ADAMTS17: variants seen among roughly 807,000 people sequenced by gnomAD.
The protein encoded by ADAMTS17 is ADAM metallopeptidase with thrombospondin type 1 motif 17.
ADAMTS17 carries 113 observed loss-of-function variants against 141.5 expected under a neutral mutation model. The observed-to-expected ratio is 0.80, with a 90% CI of 0.69 to 0.93. The LOEUF (loss-of-function observed/expected upper bound fraction) is 0.93, where lower values mean the gene tolerates loss of function less well. ADAMTS17 is among the 40% of genes least tolerant of loss of function. The pLI is 0.00. For missense variants in ADAMTS17, 1,659 were observed against 1,517.9 expected, an observed-to-expected ratio of 1.09 and a Z score of -1.54; for synonymous variants, 768 against 630.6, an observed-to-expected ratio of 1.22 and a Z score of -3.27.
intron 8 of ADAMTS17, among the ~76,000 whole-genome samples, chr15:100,166,259 G>C (rs985709837): frequency 6.6e-6 from 1 of 152,168 alleles, no homozygotes; most frequent in African/African-American, 2.4e-5. Flanking sequence ...ACAGATTGCT[G>C]CATGTTGGTC....
At chr15:100,309,627 G>T (rs1043735713) in intron 3 of ADAMTS17, among the ~76,000 whole-genome samples, 1 of 152,196 alleles carries the variant, frequency 6.6e-6, no homozygotes, top group Non-Finnish European at 1.5e-5. Context: ...TGTGGACAAC[G>T]TACAAAGGCA....
chr15:100,095,061 T>C (rs1281683140), intron 15 of ADAMTS17, among the ~76,000 whole-genome samples: 2 of 152,214 alleles, frequency 1.3e-5, no homozygotes, highest in African/African-American at 4.8e-5. Context: ...TTCATTTTAA[T>C]GAATTACAGT....
intron 4 of ADAMTS17, among the ~76,000 whole-genome samples, chr15:100,270,106 T>G (rs1014729764): frequency 4.6e-5 from 7 of 152,108 alleles, no homozygotes; most frequent in Non-Finnish European, 7.4e-5. Context: ...CTGCTCTGAC[T>G]GCAGCCATTT....
chr15:100,295,694 T>C (rs934594917), intron 3 of ADAMTS17, among the ~76,000 whole-genome samples: 1 of 152,220 alleles, frequency 6.6e-6, no homozygotes, highest in East Asian at 1.9e-4. Context: ...GCTTCCCTCT[T>C]TGCTCGTGCA....
At chr15:100,231,653 G>T in intron 7 of ADAMTS17, among the ~76,000 whole-genome samples, 1 of 152,264 alleles carries the variant, frequency 6.6e-6, no homozygotes, top group Middle Eastern at 3.4e-3. Flanking sequence ...TAATTTCCTG[G>T]TGTGTCCAAG....
At chr15:100,196,978 G>A (rs771304160) in intron 8 of ADAMTS17, among the ~76,000 whole-genome samples, 2 of 152,158 alleles carry the variant, frequency 1.3e-5, no homozygotes, top group Non-Finnish European at 2.9e-5. Flanking sequence ...TGTTTTTGTC[G>A]GTAATTGGAG....
At chr15:100,277,222 G>T (rs1041856921) in intron 4 of ADAMTS17, among the ~76,000 whole-genome samples, 25 of 152,076 alleles carry the variant, frequency 1.6e-4, no homozygotes, top group Non-Finnish European at 3.4e-4. Context: ...CCCCGGGTCT[G>T]CCCTCAGCCC....
chr15:100,136,745 C>G (rs2038353602), intron 10 of ADAMTS17, among the ~76,000 whole-genome samples: 1 of 152,212 alleles, frequency 6.6e-6, no homozygotes, highest in Admixed American at 6.5e-5. Flanking sequence ...AAATTCAAGA[C>G]CCTCAACTGA....
At chr15:100,083,480 T>C (rs1567144000) in intron 15 of ADAMTS17, among the ~76,000 whole-genome samples, 2 of 152,218 alleles carry the variant, frequency 1.3e-5, no homozygotes, top group South Asian at 2.1e-4. Context: ...TTCCTTTTCA[T>C]TCATTTTCAG....
At chr15:100,231,070 C>A (rs34977812) in intron 7 of ADAMTS17, among the ~76,000 whole-genome samples, 17,022 of 152,178 alleles carry the variant, frequency 0.11, 1,099 homozygotes, top group African/African-American at 0.16. Context: ...AGAGAGAGCG[C>A]CTGCACATCC....
chr15:100,156,835 A>G (rs1204912712), intron 8 of ADAMTS17, among the ~76,000 whole-genome samples: 5 of 152,236 alleles, frequency 3.3e-5, no homozygotes, highest in Admixed American at 2.6e-4. Context: ...ACACACACAC[A>G]TGCACATATA....
intron 8 of ADAMTS17, among the ~76,000 whole-genome samples, chr15:100,167,625 G>C (rs1403757745): frequency 6.6e-6 from 1 of 152,168 alleles, no homozygotes; most frequent in African/African-American, 2.4e-5. Context: ...GGACCCCCGA[G>C]GCACCTTCCT....
chr15:100,155,359 A>G (rs371048163), intron 8 of ADAMTS17, 39 bp from the exon 9 acceptor site: 5 of 1,601,060 alleles, frequency 3.1e-6, no homozygotes, highest in Non-Finnish European at 4.3e-6. Flanking sequence ...TTATGCTACA[A>G]GCTTCTCATT....
chr15:100,067,899 G>A (rs887128731), intron 15 of ADAMTS17, among the ~76,000 whole-genome samples: 3 of 152,162 alleles, frequency 2.0e-5, no homozygotes, highest in African/African-American at 7.2e-5. Context: ...GTGTCGGAAA[G>A]TGGGTGCAGG....
chr15:100,341,682 G>C lies in ADAMTS17; in HGVS notation c.79+139C>G, dbSNP rs2046371271. ...CGGAGCCACCCGATTCCCGTACTCCGGCCGCGGCCCGCGCCTCCTCCGCTC... is the reference window on the plus strand; with the variant it reads ...CGGAGCCACCCGATTCCCGTACTCCCGCCGCGGCCCGCGCCTCCTCCGCTC... On this transcript the variant is annotated intron_variant, in intron 1 of 21. Coordinates refer to ENST00000268070, the MANE Select transcript of ADAMTS17 (RefSeq NM_139057.4). The C allele has an allele frequency of 2.6e-6, 3 of 1,141,846 alleles. No individual in the cohort carries two copies. In the Admixed American group the frequency reaches 1.3e-4, roughly 48 times the overall value. 70.7% of individuals were successfully genotyped at this position (1,141,846 alleles called of 1,614,324 possible). A position where few individuals can be genotyped will look rare whatever the true frequency, so the allele number is the denominator to read the frequency against.
intron 8 of ADAMTS17, among the ~76,000 whole-genome samples, chr15:100,178,862 T>C (rs190226445): frequency 6.6e-6 from 1 of 152,332 alleles, no homozygotes; most frequent in African/African-American, 2.4e-5. Flanking sequence ...AAAAAAATTT[T>C]GTGCCACTTC....
At chr15:100,209,842 C>A (rs2041732598) in intron 7 of ADAMTS17, among the ~76,000 whole-genome samples, 1 of 152,108 alleles carries the variant, frequency 6.6e-6, no homozygotes, top group South Asian at 2.1e-4. Context: ...CAGCTCATTA[C>A]CAGTGGGTTA....
chr15:100,141,049 G>T (rs978358690), intron 10 of ADAMTS17, among the ~76,000 whole-genome samples: 1 of 152,164 alleles, frequency 6.6e-6, no homozygotes, highest in Non-Finnish European at 1.5e-5. Flanking sequence ...CTTGAGTTGC[G>T]GTGGAAAGTC....
intron 7 of ADAMTS17, among the ~76,000 whole-genome samples, chr15:100,209,803 G>A (rs1419053275): frequency 4.6e-5 from 7 of 152,136 alleles, no homozygotes; most frequent in Non-Finnish European, 1.5e-5. Context: ...TCAGGGTGAA[G>A]GTATGTCCCT....
Sources: allele counts gnomAD v4.1 joint callset (sites outside exome capture counted in the v4.1 genomes callset), GRCh38; gene constraint gnomAD v4.1.1; transcripts MANE v1.5; gene names NCBI Gene and HGNC (gene_info 2026-07-23, HGNC 2026-07-21).